VIT: variants seen among roughly 807,000 people sequenced by gnomAD.
VIT encodes vitrin.
A neutral mutation model predicts 78.0 loss-of-function variants in VIT; 99 were observed. The ratio of observed to expected loss-of-function variants is 1.27; its 90% CI spans 1.08 to 1.50. The LOEUF (loss-of-function observed/expected upper bound fraction) is 1.50. Among genes scored for constraint, VIT ranks in the 40% most tolerant of loss-of-function variants. The pLI, the probability that VIT is intolerant of heterozygous loss-of-function variation, is 0.00. For missense variants in VIT, 1,126 were observed against 875.3 expected (o/e 1.29, Z -3.61); for synonymous variants, 374 against 334.3 (o/e 1.12, Z -1.29).
chr2:36,698,947 A>AAAAAG lies in VIT; in HGVS notation c.-19+1998_-19+2002dup, dbSNP rs1192289797. Among the ~76,000 whole-genome samples, 657 of 151,970 alleles carry AAAAAG rather than the reference A, an allele frequency of 4.3e-3. 3 individuals are homozygous for AAAAAG. The highest frequency in any genetic ancestry group is 0.015 in the African/African-American group (632 of 41,376). On this transcript the variant is annotated intron_variant, in intron 1 of 15. Transcript: ENST00000379242. Reference sequence around the variant, plus strand: ...CAACAAAGTGAGACCTGGTCTCAAAAAAAAGAAAAGAAAAGAAAAGAAAAG... The same window carrying AAAAAG: ...CAACAAAGTGAGACCTGGTCTCAAAAAAAAGAAAAGAAAAGAAAAGAAAAGAAAAG...
intron 12 of VIT, among the ~76,000 whole-genome samples, chr2:36,800,046 CA>C (rs754185532): frequency 0.02 from 1,809 of 89,292 alleles, 23 homozygotes; most frequent in African/African-American, 0.045. Flanking sequence ...GACTCCGTCT[CA>C]AAAAAAAAAA....
intron 3 of VIT, among the ~76,000 whole-genome samples, chr2:36,738,818 A>G (rs553737616): frequency 6.6e-6 from 1 of 152,326 alleles, no homozygotes; most frequent in Non-Finnish European, 1.5e-5. Flanking sequence ...GGAAGAAACT[A>G]TGGAATGGCC....
intron 3 of VIT, among the ~76,000 whole-genome samples, chr2:36,737,249 G>A (rs1667562576): frequency 1.3e-5 from 2 of 152,164 alleles, no homozygotes; most frequent in Admixed American, 1.3e-4. Context: ...TGGAGGATGA[G>A]GTCAGGAAGC....
intron 1 of VIT, among the ~76,000 whole-genome samples, chr2:36,706,949 T>C (rs2148422551): frequency 6.6e-6 from 1 of 152,250 alleles, no homozygotes; most frequent in South Asian, 2.1e-4. Flanking sequence ...TCTGTGACTT[T>C]GGCCAAGTCA....
In VIT at chr2:36,755,955, A is replaced by ATTTTTTTT. The variant is rs58344336; in HGVS notation, c.409+913_409+920dup. ...CGGTAGTGCTTGAGGACAACACAGT[A>ATTTTTTTT]TTTTTTTTTTTTTTTTTTTGAGACG... On this transcript the variant is annotated intron_variant, in intron 5 of 15. Transcript: ENST00000379242. Among the ~76,000 whole-genome samples the ATTTTTTTT allele has an allele frequency of 9.6e-3, 1,042 of 108,466 alleles. 34 individuals carry two copies. Among genetic ancestry groups the ATTTTTTTT allele is most frequent in the Non-Finnish European group, 0.013 (744 of 56,338 alleles). 71.2% of individuals were successfully genotyped at this position (108,466 alleles called of 152,430 possible).
chr2:36,767,339 T>G (rs960280762), intron 7 of VIT, 54 bp downstream of exon 7: 7 of 1,428,282 alleles, frequency 4.9e-6, no homozygotes, highest in Non-Finnish European at 6.4e-6. Context: ...AAATTGGGCT[T>G]TTAGAGTAAC....
intron 11 of VIT, among the ~76,000 whole-genome samples, chr2:36,784,353 TC>T (rs928552440): frequency 3.9e-5 from 6 of 152,306 alleles, no homozygotes; most frequent in Admixed American, 2.0e-4. Flanking sequence ...TATCAGGTTC[TC>T]CCTAGACCTT....
intron 13 of VIT, among the ~76,000 whole-genome samples, chr2:36,805,049 T>C (rs1349492514): frequency 1.3e-5 from 2 of 152,120 alleles, no homozygotes; most frequent in Non-Finnish European, 2.9e-5. Flanking sequence ...ATGCCTGTAA[T>C]CTCAGCACTT....
Position 36,787,140 on chromosome 2 carries a change from G to A in VIT, c.922G>A (p.Asp308Asn). The change falls in exon 12 of 16, where the codon GAC becomes AAC. Residue 308 changes from aspartate to asparagine, a missense_variant. Asp to Asn is a conservative substitution (Grantham distance 23). Coordinates refer to ENST00000379242, the MANE Select transcript of VIT (RefSeq NM_053276.4). ...VSLGDPNCKI[D>N]LSFLIDGSTS... Reference sequence around the variant, plus strand: ...TTTCCGTTCCGCAGACTGCAAAATTGACTTGTCGTTTTTAATTGATGGGAG... The same window carrying A: ...TTTCCGTTCCGCAGACTGCAAAATTAACTTGTCGTTTTTAATTGATGGGAG... 1.2e-6 allele frequency: 2 copies of A among 1,614,176 alleles called. No individual in the cohort carries two copies. The highest frequency in any genetic ancestry group is 8.5e-7 in the Non-Finnish European group (1 of 1,180,042).
chr2:36,719,978 G>T (rs1573143966), intron 2 of VIT, among the ~76,000 whole-genome samples: 1 of 151,988 alleles, frequency 6.6e-6, no homozygotes, highest in South Asian at 2.1e-4. Flanking sequence ...AATTAAAGAA[G>T]ACATACATAA....
chr2:36,710,936 T>C (rs1665763636), intron 1 of VIT, among the ~76,000 whole-genome samples: 1 of 152,212 alleles, frequency 6.6e-6, no homozygotes, highest in Non-Finnish European at 1.5e-5. Context: ...GTGAAATGGC[T>C]GCAACATATG....
chr2:36,805,315 A>AAC, intron 13 of VIT, 123 bp from the exon 14 acceptor site: 7 of 1,172,816 alleles, frequency 6.0e-6, no homozygotes, highest in Non-Finnish European at 6.9e-6. Flanking sequence ...AAGGAAAAAA[A>AAC]AAAAAAAAAA....
rs761598961 is a variant in VIT, at chr2:36,814,199, G to C, written c.1920G>C (p.Ala640=). The change falls in exon 16 of 16, where the codon GCG becomes GCC. Residue 640 remains alanine (A), a synonymous_variant. Coordinates refer to ENST00000379242, the MANE Select transcript of VIT (RefSeq NM_053276.4). ...TCCCCACAGGAGTGATCACCTATGC[G>C]ATAGGCGTTGCCTGGGCTGCCCAAG... ...AAHLKGVITY[A]IGVAWAAQEE... is the part of the protein sequence containing the mutation. 2.5e-6 allele frequency: 4 copies of C among 1,614,202 alleles called. No individual in the cohort carries two copies. Among genetic ancestry groups the C allele is most frequent in the African/African-American group, 2.7e-5 (2 of 75,048 alleles).
chr2:36,796,465 C>T (rs1156781169), intron 12 of VIT, among the ~76,000 whole-genome samples: 1 of 152,128 alleles, frequency 6.6e-6, no homozygotes, highest in African/African-American at 2.4e-5. Flanking sequence ...CCAAAACTAA[C>T]AAGACTCAGC....
At chr2:36,746,672 T>C (rs1050119946) in intron 4 of VIT, among the ~76,000 whole-genome samples, 1 of 152,118 alleles carries the variant, frequency 6.6e-6, no homozygotes, top group African/African-American at 2.4e-5. Flanking sequence ...AGATTGTGCA[T>C]TTTTGGGTCT....
In VIT at chr2:36,707,786, A is replaced by AT. The variant is rs1266999057; in HGVS notation, c.-18-8566dup. Among the ~76,000 whole-genome samples, 4 of 151,866 alleles carry AT rather than the reference A, an allele frequency of 2.6e-5. No individual in the cohort carries two copies. The East Asian group carries it at 7.8e-4, about 29-fold the overall frequency. On this transcript the variant is annotated intron_variant, in intron 1 of 15. Transcript: ENST00000379242. ...GCCTTGTGCATTCTTAGGAACCACC[A>AT]TACTGAGAAAAGGCAAAATTTCCCC...
chr2:36,800,522 C>T (rs548484232), intron 12 of VIT, among the ~76,000 whole-genome samples: 65 of 152,218 alleles, frequency 4.3e-4, no homozygotes, highest in Non-Finnish European at 8.8e-4. Flanking sequence ...TGTGTGACTG[C>T]GCAGGTCTCA....
At chr2:36,793,115 C>A (rs1426961768) in intron 12 of VIT, among the ~76,000 whole-genome samples, 1 of 152,096 alleles carries the variant, frequency 6.6e-6, no homozygotes, top group African/African-American at 2.4e-5. Context: ...TGCCCCACTT[C>A]CCCAACACTC....
intron 11 of VIT, 141 bp from the exon 12 acceptor site, chr2:36,786,988 A>C: frequency 9.5e-7 from 1 of 1,050,170 alleles, no homozygotes; most frequent in African/African-American, 1.6e-5. Flanking sequence ...ATGTAAATAA[A>C]TATACCCTGC....
Sources: allele counts gnomAD v4.1 joint callset (sites outside exome capture counted in the v4.1 genomes callset), GRCh38; gene constraint gnomAD v4.1.1; transcripts MANE v1.5; gene names NCBI Gene and HGNC (gene_info 2026-07-23, HGNC 2026-07-21).